SACS: variants seen among roughly 807,000 people sequenced by gnomAD.
SACS encodes sacsin.
SACS carries 197 observed loss-of-function variants against 348.0 expected under a neutral mutation model. The ratio of observed to expected loss-of-function variants is 0.57; its 90% CI spans 0.50 to 0.64. The LOEUF is 0.64. SACS is among the 30% of genes least tolerant of loss of function. The pLI is 0.00. For missense variants in SACS, 4,999 were observed against 5,360.8 expected (o/e 0.93, Z 2.11); for synonymous variants, 1,985 against 1,910.6 (o/e 1.04, Z -1.02).
chr13:23,399,226 CCT>C (rs1333576960), intron 2 of SACS, among the ~76,000 whole-genome samples: 1 of 152,072 alleles, frequency 6.6e-6, no homozygotes. Flanking sequence ...CAAACTCCTC[CCT>C]GTCAGATACA....
At chr13:23,426,242 ACC>A (rs1798007608) in intron 1 of SACS, among the ~76,000 whole-genome samples, 1 of 152,108 alleles carries the variant, frequency 6.6e-6, no homozygotes, top group Admixed American at 6.6e-5. Flanking sequence ...TTGAGGACGC[ACC>A]CCTTACACAG....
At chr13:23,400,981 C>T (rs955206280) in intron 2 of SACS, among the ~76,000 whole-genome samples, 15 of 44,342 alleles carry the variant, frequency 3.4e-4, no homozygotes, top group East Asian at 4.0e-3. Flanking sequence ...GAATAAAAAG[C>T]GTATCAAATA....
Position 23,355,704 on chromosome 13 carries a change from G to C in SACS, c.908C>G (p.Ala303Gly). 1 of 1,614,142 alleles carries C rather than the reference G, an allele frequency of 6.2e-7. No homozygotes were observed. The highest frequency in any genetic ancestry group is 8.5e-7 in the Non-Finnish European group (1 of 1,180,020). The change falls in exon 8 of 10, where the codon GCA becomes GGA. Residue 303 changes from alanine (A) to glycine (G), a missense_variant. This residue lies in a region of SACS where 3,156 missense variants were observed against 3,380.1 expected (regional missense o/e 0.93). Transcript: ENST00000382292. ...TTTCAGAAAGAGCAGCACTGTGTCT[G>C]CATCTGCCCTAAAAGACTCAAACAA... ...LELFESFRADADTVLLFLKSV... is the reference protein window; with the variant it reads ...LELFESFRADGDTVLLFLKSV...
rs768220825 is a variant in SACS, at chr13:23,335,286, G to T, written c.8590C>A (p.Pro2864Thr). 3.7e-6 allele frequency: 6 copies of T among 1,613,872 alleles called. No homozygotes were observed. The highest frequency in any genetic ancestry group is 2.2e-5 in the South Asian group (2 of 91,078). The change falls in exon 10 of 10, where the codon CCC (proline) becomes ACC (threonine). Residue 2864 changes from proline to threonine, a missense_variant. Pro to Thr is a conservative substitution (Grantham distance 38). Around this residue, in one of 6 missense-constraint regions of SACS, gnomAD observed 3,156 missense variants for 3,380.1 expected, o/e 0.93. Transcript: ENST00000382292. This position sits in a 1 kb window ranked among gnomAD's most constrained non-coding sequence, Gnocchi z 4.7. ...AACITHNYKK[P>T]HRAFCFLPLS... The stretch of plus-strand genomic sequence containing the variant: ...GGCAAAAAACAGAAGGCCCTATGGG[G>T]TTTTTTATAGTTGTGAGTAATGCAG...
intron 9 of SACS, among the ~76,000 whole-genome samples, chr13:23,347,429 A>G (rs557789923): frequency 6.6e-6 from 1 of 152,100 alleles, no homozygotes; most frequent in East Asian, 1.9e-4. Context: ...GGACTGCTAC[A>G]GTTCTGTGAG....
intron 2 of SACS, among the ~76,000 whole-genome samples, chr13:23,381,226 A>G (rs1872040163): frequency 6.6e-6 from 1 of 152,142 alleles, no homozygotes; most frequent in Non-Finnish European, 1.5e-5. Context: ...CCTTTGCTTG[A>G]GATTCTAAAG....
intron 1 of SACS, among the ~76,000 whole-genome samples, chr13:23,423,288 G>A (rs1326578081): frequency 6.6e-6 from 1 of 152,144 alleles, no homozygotes; most frequent in African/African-American, 2.4e-5. Flanking sequence ...AAGAAGCTTT[G>A]TGATGTGCTG....
Position 23,330,084 on chromosome 13 carries a change from T to G in SACS, c.*52A>C, listed in dbSNP as rs1342690271. On this transcript the variant is annotated 3_prime_UTR_variant, in exon 10 of 10. Coordinates refer to ENST00000382292, the MANE Select transcript of SACS (RefSeq NM_014363.6). ...ATGAAGCTTAATGAAGTACAGCAAT[T>G]TATTCGTGCTACAACACATTCAAGA... is the stretch of plus-strand genomic sequence containing the variant. The G allele has an allele frequency of 6.6e-7, 1 of 1,508,020 alleles. No individual in the cohort carries two copies. The highest frequency in any genetic ancestry group is 1.4e-5 in the African/African-American group (1 of 72,562). 93.4% of individuals were successfully genotyped at this position (1,508,020 alleles called of 1,614,324 possible). A position where few individuals can be genotyped will look rare whatever the true frequency, so the allele number is the denominator to read the frequency against.
chr13:23,333,842 A>G lies in SACS; in HGVS notation c.10034T>C (p.Val3345Ala), dbSNP rs767926148. 3 of 1,613,934 alleles carry G rather than the reference A, an allele frequency of 1.9e-6. No homozygotes were observed. The highest frequency in any genetic ancestry group is 2.2e-5 in the South Asian group (2 of 91,080). Residue 3345 changes from valine (V) to alanine (A), a missense_variant, in exon 10 of 10, where the codon GTT (valine) becomes GCT (alanine). Physicochemically the swap from Val to Ala is moderately conservative, Grantham distance 64. This residue lies in a region of SACS where 734 missense variants were observed against 694.0 expected (regional missense o/e 1.06). Coordinates refer to ENST00000382292, the MANE Select transcript of SACS (RefSeq NM_014363.6). ...NKICSKDSAF[V>A]PLLSCHTANI... is the part of the protein sequence containing the mutation. ...TGCTGTGTGACATGACAACAAAGGA[A>G]CAAATGCACTGTCTTTGGAACAGAT...
Position 23,329,250 on chromosome 13 carries a change from GTTGTT to G in SACS, c.*881_*885del, listed in dbSNP as rs1298919008. The G allele has an allele frequency of 1.9e-6, 1 of 513,670 alleles. No individual in the cohort carries two copies. Among genetic ancestry groups the G allele is most frequent in the African/African-American group, 2.0e-5 (1 of 49,422 alleles). The allele number at this position is 513,670 out of a possible 1,614,324, so 31.8% of individuals were successfully genotyped here. A position where few individuals can be genotyped will look rare whatever the true frequency, so the allele number is the denominator to read the frequency against. On this transcript the variant is annotated 3_prime_UTR_variant, in exon 10 of 10. Transcript: ENST00000382292. ...ACTACATGCCATATTGAAAGAAAAG[GTTGTT>G]TTTTTTTTAACTGCAGCACCTTTAG...
intron 2 of SACS, 147 bp from the exon 3 acceptor site, chr13:23,375,416 G>A (rs1490480121): frequency 5.7e-6 from 7 of 1,223,448 alleles, no homozygotes; most frequent in Non-Finnish European, 6.1e-6. Flanking sequence ...GCCCGATCAC[G>A]GCCGGCCCTA....
rs753686569 is a variant in SACS, at chr13:23,341,115, T to G, written c.2761A>C (p.Ile921Leu). 5 of 1,613,538 alleles carry G rather than the reference T, an allele frequency of 3.1e-6. No homozygotes were observed. The highest frequency in any genetic ancestry group is 4.2e-6 in the Non-Finnish European group (5 of 1,179,990). The change falls in exon 10 of 10, where the codon ATT becomes CTT. Residue 921 changes from isoleucine to leucine, a missense_variant. Ile to Leu is a conservative substitution (Grantham distance 5, BLOSUM62 2). Coordinates refer to ENST00000382292, the MANE Select transcript of SACS (RefSeq NM_014363.6). ...CGCTTGAATATTGCCAATTCTTGAA[T>G]AATTCTTTTCTCTTTCTCACTGCTA... ...TDSSEKEKRI[I>L]QELAIFKRIN...
chr13:23,339,892 T>C lies in SACS; in HGVS notation c.3984A>G (p.Thr1328=), dbSNP rs746176782. 1 of 1,614,108 alleles carries C rather than the reference T, an allele frequency of 6.2e-7. No individual in the cohort carries two copies. Among genetic ancestry groups the C allele is most frequent in the East Asian group, 2.2e-5 (1 of 44,876 alleles). The stretch of plus-strand genomic sequence containing the variant: ...GAATAACCATGGAAATATGATCTGA[T>C]GTCAACTCCTCTATTGAACCACAGA... ...FKVCGSIEEL[T]SDHISMVIQK... Residue 1328 remains threonine (T), a synonymous_variant, in exon 10 of 10, where the codon ACA becomes ACG. Coordinates refer to ENST00000382292, the MANE Select transcript of SACS (RefSeq NM_014363.6).
At position 23,365,211 on chromosome 13, in the gene SACS, A is replaced by G. The variant is rs1238104349; in HGVS notation, c.412T>C (p.Tyr138His). ...TTTGACCAAAGAGTCTCTGTTCCGT[A>G]TTGAGTTTCATCATATAAAAATTTA... Reference protein sequence around the residue: ...EVKFLYDETQYGTETLWSKDM... With the variant: ...EVKFLYDETQHGTETLWSKDM... Residue 138 changes from tyrosine to histidine, a missense_variant, in exon 6 of 10, where the codon TAC becomes CAC. Coordinates refer to ENST00000382292, the MANE Select transcript of SACS (RefSeq NM_014363.6). 2 of 1,612,936 alleles carry G rather than the reference A, an allele frequency of 1.2e-6. No individual in the cohort carries two copies. Among genetic ancestry groups the G allele is most frequent in the Non-Finnish European group, 1.7e-6 (2 of 1,179,692 alleles).
In SACS at chr13:23,335,376, T is replaced by C; in HGVS notation, c.8500A>G (p.Lys2834Glu). 6.2e-7 allele frequency: 1 copy of C among 1,613,974 alleles called. No homozygotes were observed. Among genetic ancestry groups the C allele is most frequent in the Non-Finnish European group, 8.5e-7 (1 of 1,179,900 alleles). Residue 2834 changes from lysine to glutamate, a missense_variant, in exon 10 of 10, where the codon AAA (lysine) becomes GAA (glutamate). By Grantham distance (56) the Lys-to-Glu change is moderately conservative (BLOSUM62 1). Around this residue, in one of 6 missense-constraint regions of SACS, gnomAD observed 3,156 missense variants for 3,380.1 expected, o/e 0.93. Coordinates refer to ENST00000382292, the MANE Select transcript of SACS (RefSeq NM_014363.6). This position sits in a 1 kb window ranked among gnomAD's most constrained non-coding sequence, Gnocchi z 4.7. ...SGFSSMEKVS[K>E]SVISAHKNQD... is the part of the protein sequence containing the mutation. ...TTCTTGTGAGCTGATATGACACTTT[T>C]AGATACTTTCTCCATACTTGAAAAG...
intron 2 of SACS, among the ~76,000 whole-genome samples, chr13:23,378,285 C>T (rs894687501): frequency 6.6e-6 from 1 of 152,074 alleles, no homozygotes; most frequent in East Asian, 1.9e-4. Context: ...AATACAGTCA[C>T]GCTTACATAA....
At chr13:23,420,143 G>A (rs1873865783) in intron 1 of SACS, among the ~76,000 whole-genome samples, 1 of 152,108 alleles carries the variant, frequency 6.6e-6, no homozygotes, top group Non-Finnish European at 1.5e-5. Flanking sequence ...CGTTGGGCCT[G>A]TGTGTCAATC....
intron 7 of SACS, 87 bp downstream of exon 7, chr13:23,358,248 G>GT: frequency 1.4e-6 from 2 of 1,413,478 alleles, no homozygotes; most frequent in Non-Finnish European, 2.0e-6. Flanking sequence ...CTTTTAAACA[G>GT]TATCACCTCT....
intron 3 of SACS, 42 bp from the exon 4 acceptor site, chr13:23,371,207 C>G: frequency 1.7e-6 from 2 of 1,201,184 alleles, no homozygotes; most frequent in Middle Eastern, 2.0e-4. Flanking sequence ...GCAATACAGT[C>G]TCTAATACTG....
Sources: allele counts gnomAD v4.1 joint callset (sites outside exome capture counted in the v4.1 genomes callset), GRCh38; gene constraint gnomAD v4.1.1; regional missense constraint gnomAD v4.1.1; non-coding constraint Gnocchi (gnomAD v3.1); transcripts MANE v1.5; gene names NCBI Gene and HGNC (gene_info 2026-07-23, HGNC 2026-07-21).